Variants in PDE4D observed in about 807,000 individuals in gnomAD.
The protein encoded by PDE4D is 3',5'-cyclic-AMP phosphodiesterase 4D.
PDE4D carries 24 observed loss-of-function variants against 87.4 expected under a neutral mutation model. That is an observed-to-expected ratio of 0.27 (90% confidence interval 0.20 to 0.39). PDE4D has a LOEUF of 0.39. Ranked by LOEUF, PDE4D falls within the 10% of genes least tolerant of loss-of-function variation. PDE4D has a pLI of 1.00. For missense variants in PDE4D, 714 were observed against 1,041.0 expected, an observed-to-expected ratio of 0.69 and a Z score of 4.32; for synonymous variants, 384 against 383.2, an observed-to-expected ratio of 1.00 and a Z score of -0.02.
chr5:59,820,473 T>C (rs192104678), intron 1 of PDE4D, among the ~76,000 whole-genome samples: 9 of 152,328 alleles, frequency 5.9e-5, no homozygotes, highest in African/African-American at 1.7e-4. Flanking sequence ...GGATGCTAAG[T>C]GTTGAAGGAA....
At chr5:59,894,113 G>T (rs1258505332), upstream of PDE4D, among the ~76,000 whole-genome samples, 1 of 152,120 alleles carries the variant, frequency 6.6e-6, no homozygotes, top group Admixed American at 6.5e-5. Flanking sequence ...CGCCCGAGCT[G>T]TGACTTTCAC....
intron 1 of PDE4D, among the ~76,000 whole-genome samples, chr5:60,478,092 A>T (rs1244797163): frequency 6.6e-6 from 1 of 152,204 alleles, no homozygotes; most frequent in Non-Finnish European, 1.5e-5. Flanking sequence ...AACAAAGGAG[A>T]TTAAAAGAGG....
chr5:59,556,381 C>G (rs1818921033), intron 1 of PDE4D, among the ~76,000 whole-genome samples: 1 of 152,058 alleles, frequency 6.6e-6, no homozygotes, highest in Admixed American at 6.6e-5. Flanking sequence ...CACAGCAACC[C>G]TAAGAGACAC....
chr5:59,290,593 T>A (rs10472100), intron 1 of PDE4D, among the ~76,000 whole-genome samples: 1,776 of 151,960 alleles, frequency 0.012, 37 homozygotes, highest in African/African-American at 0.039. Context: ...TAGGATCACA[T>A]CAAATTAAAA....
chr5:59,651,021 C>T (rs934158599), intron 1 of PDE4D, among the ~76,000 whole-genome samples: 4 of 151,860 alleles, frequency 2.6e-5, no homozygotes, highest in African/African-American at 4.8e-5. Context: ...TTTGGGAGGC[C>T]GAGGTGGGCG....
intron 3 of PDE4D, among the ~76,000 whole-genome samples, chr5:59,941,623 C>T (rs192657740): frequency 7.2e-5 from 11 of 152,314 alleles, no homozygotes; most frequent in Middle Eastern, 3.4e-3. Context: ...TTATTGCCCC[C>T]GCCACCACCA....
At chr5:59,770,678 T>A (rs1317022453) in intron 1 of PDE4D, among the ~76,000 whole-genome samples, 1 of 151,996 alleles carries the variant, frequency 6.6e-6, no homozygotes, top group Non-Finnish European at 1.5e-5. Context: ...AAAATTCAGA[T>A]GATAGGATAA....
At chr5:59,853,387 TC>T (rs1744963855) in intron 1 of PDE4D, among the ~76,000 whole-genome samples, 1 of 151,956 alleles carries the variant, frequency 6.6e-6, no homozygotes, top group African/African-American at 2.4e-5. Flanking sequence ...TGTAATTTGT[TC>T]TGGTTATAAA....
chr5:59,861,376 C>A (rs1746260123), intron 1 of PDE4D, among the ~76,000 whole-genome samples: 1 of 152,066 alleles, frequency 6.6e-6, no homozygotes, highest in African/African-American at 2.4e-5. Context: ...GAGGAGTTTC[C>A]AAGCGAATTG....
intron 2 of PDE4D, among the ~76,000 whole-genome samples, chr5:60,040,497 T>C (rs1295427399): frequency 6.6e-6 from 1 of 152,222 alleles, no homozygotes; most frequent in African/African-American, 2.4e-5. Flanking sequence ...TTTATCTCAC[T>C]ATAACTTTCA....
intron 1 of PDE4D, among the ~76,000 whole-genome samples, chr5:59,354,474 T>C (rs565992419): frequency 6.6e-6 from 1 of 152,298 alleles, no homozygotes; most frequent in South Asian, 2.1e-4. Flanking sequence ...AGCATTTAAC[T>C]GTGCGTGCAT....
chr5:59,539,832 A>G (rs1009930334), intron 1 of PDE4D, among the ~76,000 whole-genome samples: 3 of 152,182 alleles, frequency 2.0e-5, no homozygotes, highest in Non-Finnish European at 4.4e-5. Flanking sequence ...AGACACATAC[A>G]TACACAAACA....
chr5:59,294,530 G>A (rs530160599), intron 1 of PDE4D, among the ~76,000 whole-genome samples: 4 of 152,222 alleles, frequency 2.6e-5, no homozygotes, highest in South Asian at 2.1e-4. Flanking sequence ...TAGGCAGACC[G>A]CCAAGGTATA....
At position 59,961,690 on chromosome 5, in the gene PDE4D, A is replaced by G. The variant is rs571347977; in HGVS notation, c.272+26798T>C. ...ATGGTGATAATTGCTATGGATATAA[A>G]TACTACAGAAAAGGGGCATAAAGAA... On this transcript the variant is annotated intron_variant, in intron 3 of 16. Transcript: ENST00000502484. Among the ~76,000 whole-genome samples, 20 of 152,322 alleles carry G rather than the reference A, an allele frequency of 1.3e-4. No homozygotes were observed. In the South Asian group the frequency reaches 3.7e-3, roughly 28 times the overall value.
intron 1 of PDE4D, among the ~76,000 whole-genome samples, chr5:59,871,375 A>G (rs1747795766): frequency 6.6e-6 from 1 of 152,152 alleles, no homozygotes; most frequent in Non-Finnish European, 1.5e-5. Flanking sequence ...TGAGACCCCA[A>G]TCCTGGCCAA....
intron 1 of PDE4D, among the ~76,000 whole-genome samples, chr5:59,755,367 T>G (rs575544546): frequency 6.6e-6 from 1 of 152,304 alleles, no homozygotes; most frequent in African/African-American, 2.4e-5. Flanking sequence ...ATTACAGTAA[T>G]ATACAAAGCT....
chr5:59,130,274 C>A (rs1776087056), intron 5 of PDE4D, among the ~76,000 whole-genome samples: 1 of 152,098 alleles, frequency 6.6e-6, no homozygotes, highest in African/African-American at 2.4e-5. Flanking sequence ...AGACAAACAT[C>A]CAATATTTCC....
At chr5:59,827,365 GCAGTAGCCTGCAAGTGTTAAAC>G (rs1770448727) in intron 1 of PDE4D, among the ~76,000 whole-genome samples, 1 of 152,050 alleles carries the variant, frequency 6.6e-6, no homozygotes, top group East Asian at 1.9e-4. Context: ...GTATTCTGTT[GCAGTAGCCTGCAAGTGTTAAAC>G]ATTGTTGCAT....
At chr5:60,060,288 A>C (rs916139621) in intron 2 of PDE4D, among the ~76,000 whole-genome samples, 1 of 152,182 alleles carries the variant, frequency 6.6e-6, no homozygotes, top group African/African-American at 2.4e-5. Flanking sequence ...TAATTCAGTT[A>C]TTTGATTTAT....
Sources: gnomAD v4.1 joint callset for allele counts (sites outside exome capture counted in the v4.1 genomes callset) on GRCh38, gnomAD v4.1.1 for gene constraint, MANE v1.5 for transcripts, NCBI Gene and HGNC (gene_info 2026-07-23, HGNC 2026-07-21) for gene names.